Variants in DOCK2 observed in about 807,000 individuals in gnomAD.
DOCK2 encodes dedicator of cytokinesis 2.
DOCK2 carries 87 observed loss-of-function variants against 248.9 expected under a neutral mutation model. The ratio of observed to expected loss-of-function variants is 0.35; its 90% CI spans 0.29 to 0.42. The LOEUF (loss-of-function observed/expected upper bound fraction) is 0.42. Among genes scored for constraint, DOCK2 ranks in the 10% least tolerant of loss-of-function variants. The probability of loss-of-function intolerance (pLI) is 1.00; values close to 1 mark genes in which losing one functional copy is unlikely to be tolerated. For missense variants in DOCK2, 1,747 were observed against 2,300.2 expected (o/e 0.76, Z 4.92); for synonymous variants, 805 against 821.6 (o/e 0.98, Z 0.35).
rs149426869 is a variant in DOCK2 at position 170,039,017 on chromosome 5, C to T, written c.3666-2038C>T. ...TCACGGTTAACTCCGATTGGCAGAA[C>T]GTTAGGCGGGAGGAAAGTGGAAAGG... On this transcript the variant is annotated intron_variant, in intron 36 of 51. Coordinates refer to ENST00000520908, the MANE Select transcript of DOCK2 (RefSeq NM_004946.3). Among the ~76,000 whole-genome samples, 69 of 152,292 alleles carry T rather than the reference C, an allele frequency of 4.5e-4. 1 individual carries two copies. The highest frequency in any genetic ancestry group is 1.6e-3 in the African/African-American group (68 of 41,556).
chr5:170,081,915 C>T lies in DOCK2; in HGVS notation c.5361C>T (p.Phe1787=), dbSNP rs149976182. Reference sequence around the variant, plus strand: ...CATCTCCCCGCCTCAGCCAGACCTTCCTCCAACTCTCAGATGGTGACAAGA... The same window carrying T: ...CATCTCCCCGCCTCAGCCAGACCTTTCTCCAACTCTCAGATGGTGACAAGA... ...ANTSPRLSQT[F]LQLSDGDKKT... Residue 1787 remains phenylalanine (F), a synonymous_variant, in exon 51 of 52, where the codon TTC becomes TTT. Coordinates refer to ENST00000520908, the MANE Select transcript of DOCK2 (RefSeq NM_004946.3). 2 of 1,614,126 alleles carry T rather than the reference C, an allele frequency of 1.2e-6. No individual in the cohort carries two copies. Among genetic ancestry groups the T allele is most frequent in the African/African-American group, 2.7e-5 (2 of 75,010 alleles).
chr5:170,012,259 AG>A (rs1755329039), intron 32 of DOCK2, among the ~76,000 whole-genome samples: 1 of 147,782 alleles, frequency 6.8e-6, no homozygotes, highest in Non-Finnish European at 1.5e-5. Flanking sequence ...ATTGTTTCAA[AG>A]GATGTGAAAT....
intron 27 of DOCK2, among the ~76,000 whole-genome samples, chr5:169,907,850 G>C (rs1774373465): frequency 6.6e-6 from 1 of 151,754 alleles, no homozygotes; most frequent in Non-Finnish European, 1.5e-5. Flanking sequence ...CTGGCATCTA[G>C]TGGGTAGAGG....
intron 32 of DOCK2, among the ~76,000 whole-genome samples, chr5:170,010,745 C>A (rs1307275005): frequency 6.6e-6 from 1 of 152,230 alleles, no homozygotes; most frequent in Non-Finnish European, 1.5e-5. Flanking sequence ...GCATTCGTTG[C>A]TGTACAACAG....
chr5:169,744,933 A>G (rs562624306), intron 22 of DOCK2, among the ~76,000 whole-genome samples: 29 of 152,186 alleles, frequency 1.9e-4, no homozygotes, highest in Non-Finnish European at 2.9e-4. Context: ...CACCCTACAG[A>G]AAGAGCCCAT....
chr5:169,933,754 G>A (rs911188284), intron 27 of DOCK2, among the ~76,000 whole-genome samples: 1 of 152,146 alleles, frequency 6.6e-6, no homozygotes, highest in Non-Finnish European at 1.5e-5. Context: ...CTTCCAGGCA[G>A]CTGCCAACCT....
intron 23 of DOCK2, among the ~76,000 whole-genome samples, chr5:169,759,003 T>C (rs1165050693): frequency 1.3e-5 from 2 of 152,264 alleles, no homozygotes; most frequent in Non-Finnish European, 2.9e-5. Flanking sequence ...CTTACAGTTC[T>C]TTCTACTGAA....
chr5:169,976,062 A>T (rs748837662), intron 27 of DOCK2, among the ~76,000 whole-genome samples: 30 of 152,230 alleles, frequency 2.0e-4, no homozygotes, highest in Non-Finnish European at 3.8e-4. Context: ...TTCAGCTTTT[A>T]TGGAGGGGGT....
At chr5:169,750,689 G>C (rs1214829746) in intron 23 of DOCK2, among the ~76,000 whole-genome samples, 1 of 152,218 alleles carries the variant, frequency 6.6e-6, no homozygotes, top group African/African-American at 2.4e-5. Flanking sequence ...ATAGAAAGGG[G>C]CTTCATCTCT....
At chr5:169,774,889 G>GTTTTTT (rs1332197207) in intron 25 of DOCK2, among the ~76,000 whole-genome samples, 22 of 134,562 alleles carry the variant, frequency 1.6e-4, no homozygotes, top group South Asian at 5.3e-4. Flanking sequence ...CCCCATGACT[G>GTTTTTT]TTTTTTGTTG....
At chr5:169,743,952 TC>T in intron 22 of DOCK2, among the ~76,000 whole-genome samples, 1 of 150,282 alleles carries the variant, frequency 6.7e-6, no homozygotes. Flanking sequence ...TATGTACTTT[TC>T]CCCCATTTTC....
intron 9 of DOCK2, among the ~76,000 whole-genome samples, chr5:169,691,262 A>G (rs1760281437): frequency 6.6e-6 from 1 of 152,186 alleles, no homozygotes; most frequent in South Asian, 2.1e-4. Flanking sequence ...GTGTTAAACC[A>G]TAAGAAAGCA....
chr5:169,950,199 C>A (rs771591626), intron 27 of DOCK2, among the ~76,000 whole-genome samples: 3 of 152,156 alleles, frequency 2.0e-5, no homozygotes, highest in Non-Finnish European at 4.4e-5. Context: ...GTCACTGGAG[C>A]CAGCCTGTCA....
intron 32 of DOCK2, among the ~76,000 whole-genome samples, chr5:170,014,484 T>G (rs1755434299): frequency 6.6e-6 from 1 of 152,044 alleles, no homozygotes; most frequent in African/African-American, 2.4e-5. Flanking sequence ...GTTTTCCTTT[T>G]TTGGGTATCT....
intron 46 of DOCK2, among the ~76,000 whole-genome samples, chr5:170,073,318 C>T (rs761509354): frequency 3.3e-5 from 5 of 152,172 alleles, no homozygotes; most frequent in East Asian, 1.9e-4. Context: ...TCTGATCCAT[C>T]GGTCTATGTC....
chr5:170,075,763 C>G, intron 46 of DOCK2, 184 bp from the exon 47 acceptor site: 1 of 764,056 alleles, frequency 1.3e-6, no homozygotes, highest in Non-Finnish European at 2.1e-6. Flanking sequence ...CCAGAGCAAA[C>G]CTCATGTTTG....
At chr5:169,773,582 A>C (rs1199603051) in intron 25 of DOCK2, among the ~76,000 whole-genome samples, 1 of 152,192 alleles carries the variant, frequency 6.6e-6, no homozygotes, top group African/African-American at 2.4e-5. Flanking sequence ...CATTAATGGA[A>C]GCATACATAA....
At chr5:169,874,032 C>T (rs1012585490) in intron 27 of DOCK2, among the ~76,000 whole-genome samples, 4 of 152,074 alleles carry the variant, frequency 2.6e-5, no homozygotes, top group Non-Finnish European at 4.4e-5. Flanking sequence ...AAGGGAGGCT[C>T]TTGCAGAGAA....
At position 170,081,852 on chromosome 5, in the gene DOCK2, C is replaced by T; in HGVS notation, c.5298C>T (p.Leu1766=). 6.2e-7 allele frequency: 1 copy of T among 1,613,078 alleles called. No homozygotes were observed. The highest frequency in any genetic ancestry group is 1.1e-5 in the South Asian group (1 of 90,992). ...QSMPTIPALA[L]SVAGIPGLDE... ...CTGCTCTCCTTCCAGCCCTGGCGCT[C>T]TCAGTGGCAGGCATCCCTGGGTTGG... The change falls in exon 51 of 52, where the codon CTC becomes CTT. Residue 1766 remains leucine (L), a synonymous_variant. Coordinates refer to ENST00000520908, the MANE Select transcript of DOCK2 (RefSeq NM_004946.3).
Sources: allele counts gnomAD v4.1 joint callset (sites outside exome capture counted in the v4.1 genomes callset), GRCh38; gene constraint gnomAD v4.1.1; transcripts MANE v1.5; gene names NCBI Gene and HGNC (gene_info 2026-07-23, HGNC 2026-07-21).